ULK4: variants seen among roughly 807,000 people sequenced by gnomAD.
ULK4 encodes the protein unc-51 like kinase 4, also known as inactive serine/threonine-protein kinase ULK4.
ULK4 carries 133 observed loss-of-function variants against 160.6 expected under a neutral mutation model. That is an observed-to-expected ratio of 0.83 (90% confidence interval 0.72 to 0.96). The LOEUF is 0.96. ULK4 is among the 40% of genes least tolerant of loss of function. The pLI, the probability that ULK4 is intolerant of heterozygous loss-of-function variation, is 0.00. For missense variants in ULK4, 1,580 were observed against 1,499.5 expected, an observed-to-expected ratio of 1.05 and a Z score of -0.89; for synonymous variants, 534 against 539.8, an observed-to-expected ratio of 0.99 and a Z score of 0.15.
intron 35 of ULK4, among the ~76,000 whole-genome samples, chr3:41,256,365 A>T (rs2078834799): frequency 6.6e-6 from 1 of 152,244 alleles, no homozygotes; most frequent in African/African-American, 2.4e-5. Context: ...AGCAACCATG[A>T]CAATGTGGTA....
At chr3:41,394,205 C>G (rs2082010163) in intron 35 of ULK4, among the ~76,000 whole-genome samples, 1 of 152,042 alleles carries the variant, frequency 6.6e-6, no homozygotes, top group Non-Finnish European at 1.5e-5. Context: ...AAGATAAGAA[C>G]AGAAAGTAGG....
intron 29 of ULK4, among the ~76,000 whole-genome samples, chr3:41,666,850 A>G (rs1266102610): frequency 6.6e-6 from 1 of 152,172 alleles, no homozygotes; most frequent in African/African-American, 2.4e-5. Context: ...CTAAATTTAA[A>G]AAGAAAACAT....
chr3:41,850,289 T>C (rs1376338051), intron 17 of ULK4, among the ~76,000 whole-genome samples: 2 of 152,234 alleles, frequency 1.3e-5, no homozygotes, highest in South Asian at 2.1e-4. Context: ...CATGTGTCTT[T>C]ATAGCAGCAT....
chr3:41,616,982 G>A (rs1345431414), intron 30 of ULK4, among the ~76,000 whole-genome samples: 4 of 152,184 alleles, frequency 2.6e-5, no homozygotes, highest in Non-Finnish European at 5.9e-5. Flanking sequence ...ACTTTAGTAG[G>A]TGGTTTTTCC....
intron 35 of ULK4, among the ~76,000 whole-genome samples, chr3:41,348,005 C>T (rs1450079050): frequency 3.3e-5 from 5 of 151,648 alleles, no homozygotes; most frequent in East Asian, 1.9e-4. Context: ...GTCAGGAGTT[C>T]GAGACCATCC....
chr3:41,396,294 G>T (rs142605870), intron 35 of ULK4, among the ~76,000 whole-genome samples: 4 of 150,574 alleles, frequency 2.7e-5, no homozygotes, highest in East Asian at 3.9e-4. Flanking sequence ...TATAATATAC[G>T]GTATAAGTAC....
chr3:41,376,453 A>T (rs1177686667), intron 35 of ULK4, among the ~76,000 whole-genome samples: 1 of 150,340 alleles, frequency 6.7e-6, no homozygotes, highest in Non-Finnish European at 1.5e-5. Flanking sequence ...TGCAGACGAC[A>T]TGATTGTATA....
Position 41,711,570 on chromosome 3 carries a change from A to G in ULK4, c.2634+3667T>C, listed in dbSNP as rs148215166. On this transcript the variant is annotated intron_variant, in intron 25 of 36. Transcript: ENST00000301831. ...TCTGGCTTTTCTGCAGCTGAAGCCA[A>G]TATCTATCAATAAACCAGCATTCCT... Among the ~76,000 whole-genome samples, 29 of 152,348 alleles carry G rather than the reference A, an allele frequency of 1.9e-4. No individual in the cohort carries two copies. In the East Asian group the frequency reaches 2.7e-3, roughly 14 times the overall value.
Position 41,463,251 on chromosome 3 carries a change from G to A in ULK4, c.3229C>T (p.Leu1077Phe), listed in dbSNP as rs746222365. 3.1e-6 allele frequency: 5 copies of A among 1,608,266 alleles called. No homozygotes were observed. In the East Asian group the frequency reaches 1.1e-4, roughly 36 times the overall value. Residue 1077 changes from leucine to phenylalanine, a missense_variant and splice_region_variant, in exon 33 of 37, where the codon CTT (leucine) becomes TTT (phenylalanine). Transcript: ENST00000301831. ...SNMELLYEQG[L>F]VSHICNLLTE... ...AGCAGGTTACAGATGTGACTGACAA[G>A]TCCTGAGGGTAAAAAAGGAAAAGAA...
intron 3 of ULK4, among the ~76,000 whole-genome samples, chr3:41,936,619 A>G (rs1716640): frequency 0.87 from 131,646 of 152,174 alleles, 58,926 homozygotes; most frequent in Non-Finnish European, 0.98. Context: ...GCAACAACAC[A>G]GTTGGAACTG....
intron 32 of ULK4, among the ~76,000 whole-genome samples, chr3:41,491,858 C>A (rs9873128): frequency 7.4e-5 from 11 of 148,034 alleles, no homozygotes; most frequent in Non-Finnish European, 1.5e-4. Flanking sequence ...ATTAGGTATA[C>A]CTTCTAATGC....
At chr3:41,916,826 G>A (rs991366409) in intron 7 of ULK4, among the ~76,000 whole-genome samples, 1 of 150,644 alleles carries the variant, frequency 6.6e-6, no homozygotes, top group African/African-American at 2.4e-5. Context: ...TCCTGTCTCA[G>A]CCTCCCAAGT....
intron 35 of ULK4, among the ~76,000 whole-genome samples, chr3:41,273,599 C>T (rs1161290191): frequency 6.6e-6 from 1 of 152,172 alleles, no homozygotes; most frequent in East Asian, 1.9e-4. Flanking sequence ...TGTTGGGCCC[C>T]ACCTCAGTTC....
chr3:41,897,695 C>G (rs1428625158), intron 14 of ULK4, among the ~76,000 whole-genome samples: 2 of 152,052 alleles, frequency 1.3e-5, no homozygotes, highest in African/African-American at 4.8e-5. Context: ...CTTCACTTGG[C>G]CTTTCAAAAA....
intron 19 of ULK4, among the ~76,000 whole-genome samples, chr3:41,817,011 T>G (rs1288031399): frequency 1.3e-5 from 2 of 151,624 alleles, no homozygotes; most frequent in Admixed American, 6.6e-5. Flanking sequence ...GTGACAGAGG[T>G]GACACTGCAG....
chr3:41,660,096 C>A (rs1012304056), intron 30 of ULK4, among the ~76,000 whole-genome samples: 5 of 152,134 alleles, frequency 3.3e-5, no homozygotes, highest in Admixed American at 2.0e-4. Context: ...TCGAGACCAG[C>A]CTGACCAACA....
chr3:41,298,032 C>T (rs1422187771), intron 35 of ULK4, among the ~76,000 whole-genome samples: 2 of 152,098 alleles, frequency 1.3e-5, no homozygotes, highest in Non-Finnish European at 2.9e-5. Context: ...TAAAAATTGC[C>T]CATCACCACT....
chr3:41,693,446 C>T (rs1358227738), intron 27 of ULK4, among the ~76,000 whole-genome samples: 2 of 152,132 alleles, frequency 1.3e-5, no homozygotes, highest in Admixed American at 1.3e-4. Context: ...GTGGGCCAAA[C>T]ATTGGTGGAA....
At chr3:41,670,536 G>C (rs2035502599) in intron 29 of ULK4, among the ~76,000 whole-genome samples, 1 of 151,032 alleles carries the variant, frequency 6.6e-6, no homozygotes. Context: ...CAGTTGGGTG[G>C]GAAAACCTAT....
Sources: gnomAD v4.1 joint callset for allele counts (sites outside exome capture counted in the v4.1 genomes callset) on GRCh38, gnomAD v4.1.1 for gene constraint, MANE v1.5 for transcripts, NCBI Gene and HGNC (gene_info 2026-07-23, HGNC 2026-07-21) for gene names.